Variants in PBX4 observed in about 807,000 individuals in gnomAD.
PBX4 encodes the protein PBX homeobox 4.
Under a neutral mutation model 35.1 loss-of-function variants are expected in PBX4, and 26 were observed. The observed-to-expected ratio is 0.74, with a 90% CI of 0.54 to 1.03. The LOEUF is 1.03. Among genes scored for constraint, PBX4 ranks in the 50% least tolerant of loss-of-function variants. PBX4 has a pLI of 0.00. For synonymous variants in PBX4, 199 were observed against 204.2 expected, an observed-to-expected ratio of 0.97 and a Z score of 0.22; for missense variants, 448 against 504.3, an observed-to-expected ratio of 0.89 and a Z score of 1.07.
chr19:19,568,180 C>T (rs1382678346), intron 5 of PBX4, among the ~76,000 whole-genome samples: 2 of 146,618 alleles, frequency 1.4e-5, no homozygotes, highest in African/African-American at 2.5e-5. Flanking sequence ...CATCTGTATC[C>T]CTCAGGGAGC....
chr19:19,564,794 C>T lies in PBX4; in HGVS notation c.925+139G>A. ...ATGGCCAAGAGGAACAGAACTCTCA[C>T]AGTTGAAACAGAAGAAAGAGTTACA... On this transcript the variant is annotated intron_variant, in intron 6 of 7. Transcript: ENST00000251203. 6.5e-6 allele frequency: 7 copies of T among 1,083,272 alleles called. No homozygotes were observed. The South Asian group carries it at 9.0e-5, about 14-fold the overall frequency. The allele number at this position is 1,083,272 out of a possible 1,614,324, so 67.1% of individuals were successfully genotyped here. A position where few individuals can be genotyped will look rare whatever the true frequency, so the allele number is the denominator to read the frequency against.
chr19:19,586,874 T>C (rs530708622), intron 2 of PBX4, among the ~76,000 whole-genome samples: 6 of 151,724 alleles, frequency 4.0e-5, no homozygotes, highest in Non-Finnish European at 8.8e-5. Context: ...AAGGTTACAG[T>C]GAGCCGAGAT....
chr19:19,611,870 C>T (rs1471766147), intron 1 of PBX4, among the ~76,000 whole-genome samples: 1 of 151,992 alleles, frequency 6.6e-6, no homozygotes, highest in Non-Finnish European at 1.5e-5. Flanking sequence ...GGTGGGATGG[C>T]TCATGACTGT....
intron 2 of PBX4, among the ~76,000 whole-genome samples, chr19:19,576,885 A>G (rs963536672): frequency 6.6e-6 from 1 of 151,944 alleles, no homozygotes; most frequent in Non-Finnish European, 1.5e-5. Context: ...AGTGCTTGGG[A>G]TTATAGTTGT....
At position 19,562,152 on chromosome 19, in the gene PBX4, G is replaced by A; in HGVS notation, c.1033-35C>T. 1 of 1,543,126 alleles carries A rather than the reference G, an allele frequency of 6.5e-7. No homozygotes were observed. ...CAGAGACTGAGCATCAGAGTGGGTG[G>A]CCGTGAGACTGGTGACTACCCAGCC... On this transcript the variant is annotated intron_variant, in intron 7 of 7. Transcript: ENST00000251203. This position sits in a 1 kb window ranked among gnomAD's most constrained non-coding sequence, Gnocchi z 4.8.
At position 19,564,998 on chromosome 19, in the gene PBX4, G is replaced by T; in HGVS notation, c.860C>A (p.Ala287Asp). The T allele has an allele frequency of 6.2e-7, 1 of 1,614,252 alleles. No individual in the cohort carries two copies. The highest frequency in any genetic ancestry group is 8.5e-7 in the Non-Finnish European group (1 of 1,180,048). The stretch of plus-strand genomic sequence containing the variant: ...GACCCCAACTTCCGTGGTATCCACA[G>T]CCGTTTTACCCGTGTAAATGGTAGC... The part of the protein sequence containing the change: ...EEATIYTGKT[A>D]VDTTEVGVPG... The change falls in exon 6 of 8, where the codon GCT (alanine) becomes GAT (aspartate). Residue 287 changes from alanine (A) to aspartate (D), a missense_variant. Coordinates refer to ENST00000251203, the MANE Select transcript of PBX4 (RefSeq NM_025245.3).
chr19:19,569,903 C>A (rs777384641), intron 4 of PBX4, among the ~76,000 whole-genome samples: 2 of 152,066 alleles, frequency 1.3e-5, no homozygotes, highest in Non-Finnish European at 2.9e-5. Context: ...GAGTGAGACT[C>A]CGTCTCAAAT....
At chr19:19,595,164 G>A (rs2061553771) in intron 2 of PBX4, among the ~76,000 whole-genome samples, 2 of 152,240 alleles carry the variant, frequency 1.3e-5, no homozygotes, top group African/African-American at 2.4e-5. Flanking sequence ...GACAACTTGG[G>A]CTGCCTGTGC....
rs970227358 is a variant in PBX4 at position 19,562,000 on chromosome 19, G to A, written c.*25C>T. 14 of 1,588,818 alleles carry A rather than the reference G, an allele frequency of 8.8e-6. No homozygotes were observed. Among genetic ancestry groups the A allele is most frequent in the Admixed American group, 5.1e-5 (3 of 59,000 alleles). ...GGCGATACATGGCAGCTCACGCAGC[G>A]CTCTTTCCTGCTTATCCCCCAAACT... On this transcript the variant is annotated 3_prime_UTR_variant, in exon 8 of 8. Coordinates refer to ENST00000251203, the MANE Select transcript of PBX4 (RefSeq NM_025245.3).
chr19:19,607,559 G>A (rs1376153393), intron 1 of PBX4, among the ~76,000 whole-genome samples: 1 of 152,120 alleles, frequency 6.6e-6, no homozygotes, highest in Non-Finnish European at 1.5e-5. Flanking sequence ...GAAAATGCCA[G>A]AAAGTGAAAG....
intron 2 of PBX4, among the ~76,000 whole-genome samples, chr19:19,595,146 G>A (rs558117009): frequency 1.3e-5 from 2 of 152,362 alleles, no homozygotes; most frequent in South Asian, 4.1e-4. Flanking sequence ...GGTCAGGGGT[G>A]AGCAAGGGAC....
chr19:19,601,055 AGAGG>A (rs2144774239), intron 1 of PBX4, among the ~76,000 whole-genome samples: 1 of 152,248 alleles, frequency 6.6e-6, no homozygotes, highest in Admixed American at 6.5e-5. Flanking sequence ...GTGGCAGTTA[AGAGG>A]GAGGGAGTGA....
intron 1 of PBX4, among the ~76,000 whole-genome samples, chr19:19,617,597 A>G (rs1197855867): frequency 2.0e-5 from 3 of 151,990 alleles, no homozygotes; most frequent in African/African-American, 7.2e-5. Flanking sequence ...ATTTTTTGCT[A>G]TTTACATTCC....
intron 1 of PBX4, among the ~76,000 whole-genome samples, chr19:19,611,054 G>T (rs2061660456): frequency 6.6e-6 from 1 of 152,174 alleles, no homozygotes; most frequent in Non-Finnish European, 1.5e-5. Flanking sequence ...TTGAATGGGT[G>T]TGCGGAAGGC....
At chr19:19,594,345 G>A (rs747115811) in intron 2 of PBX4, among the ~76,000 whole-genome samples, 13 of 150,852 alleles carry the variant, frequency 8.6e-5, no homozygotes, top group African/African-American at 2.4e-4. Context: ...GCAGTGAGCC[G>A]AGATTGCGCC....
At chr19:19,602,681 C>G (rs557086792) in intron 1 of PBX4, among the ~76,000 whole-genome samples, 1 of 152,146 alleles carries the variant, frequency 6.6e-6, no homozygotes, top group Non-Finnish European at 1.5e-5. Context: ...GAGATCCCCC[C>G]GCCTTGGCCC....
At position 19,563,838 on chromosome 19, in the gene PBX4, C is replaced by T. The variant is rs186945406; in HGVS notation, c.926-223G>A. The T allele has an allele frequency of 9.4e-5, 41 of 436,398 alleles. No homozygotes were observed. Among genetic ancestry groups the T allele is most frequent in the Middle Eastern group, 6.7e-4 (1 of 1,488 alleles). 27.0% of individuals were successfully genotyped at this position (436,398 alleles called of 1,614,324 possible). A position where few individuals can be genotyped will look rare whatever the true frequency, so the allele number is the denominator to read the frequency against. On this transcript the variant is annotated intron_variant, in intron 6 of 7. Transcript: ENST00000251203. The surrounding 1 kb of genome is among the most constrained non-coding windows in gnomAD (Gnocchi z 5.1). ...TTTTTTTTTCTTTTTAAGACAGTCT[C>T]GCTCTGTCACCCAGGCTTGAGTGCA...
chr19:19,573,325 A>AT (rs1568381616), intron 2 of PBX4, among the ~76,000 whole-genome samples: 12 of 107,082 alleles, frequency 1.1e-4, no homozygotes, highest in Non-Finnish European at 1.6e-4. Context: ...GAAAAAAAAA[A>AT]AATATACACA....
At chr19:19,614,592 C>T (rs903831112) in intron 1 of PBX4, among the ~76,000 whole-genome samples, 2 of 150,106 alleles carry the variant, frequency 1.3e-5, no homozygotes, top group African/African-American at 2.5e-5. Context: ...GCCGAGATCG[C>T]GCCACTGCAC....
Sources: allele counts gnomAD v4.1 joint callset (sites outside exome capture counted in the v4.1 genomes callset), GRCh38; gene constraint gnomAD v4.1.1; non-coding constraint Gnocchi (gnomAD v3.1); transcripts MANE v1.5; gene names NCBI Gene and HGNC (gene_info 2026-07-23, HGNC 2026-07-21).